ASB4: variants seen among roughly 807,000 people sequenced by gnomAD.
The protein encoded by ASB4 is ankyrin repeat and SOCS box protein 4.
A neutral mutation model predicts 38.6 loss-of-function variants in ASB4; 35 were observed. That is an observed-to-expected ratio of 0.91 (90% confidence interval 0.69 to 1.20). ASB4 has a LOEUF of 1.20. ASB4 is among the 50% of genes most tolerant of loss of function. ASB4 has a pLI of 0.00. For missense variants in ASB4, 557 were observed against 527.2 expected, an observed-to-expected ratio of 1.06 and a Z score of -0.55; for synonymous variants, 195 against 201.3, an observed-to-expected ratio of 0.97 and a Z score of 0.26.
chr7:95,526,698 G>A (rs1314834322), intron 2 of ASB4, among the ~76,000 whole-genome samples: 1 of 152,200 alleles, frequency 6.6e-6, no homozygotes, highest in Non-Finnish European at 1.5e-5. Context: ...AAAGCATTTA[G>A]CCCAGAATGT....
At chr7:95,493,677 G>A (rs1423379209) in intron 1 of ASB4, among the ~76,000 whole-genome samples, 1 of 152,018 alleles carries the variant, frequency 6.6e-6, no homozygotes, top group Non-Finnish European at 1.5e-5. Context: ...GTGCATTTCT[G>A]TCCTGATCCC....
At chr7:95,530,054 A>C (rs1285213543) in intron 3 of ASB4, among the ~76,000 whole-genome samples, 1 of 151,490 alleles carries the variant, frequency 6.6e-6, no homozygotes, top group African/African-American at 2.4e-5. Flanking sequence ...ACAAAACAAC[A>C]ACCAAATAAA....
intron 1 of ASB4, among the ~76,000 whole-genome samples, chr7:95,486,840 T>G (rs946392485): frequency 6.6e-6 from 1 of 152,198 alleles, no homozygotes; most frequent in African/African-American, 2.4e-5. Context: ...TAGACCAATT[T>G]TTTTTTACCA....
intron 2 of ASB4, among the ~76,000 whole-genome samples, chr7:95,501,286 G>A (rs1421491628): frequency 1.3e-5 from 2 of 152,168 alleles, no homozygotes; most frequent in Non-Finnish European, 2.9e-5. Context: ...GTAGCATGGG[G>A]GCAATGTAAA....
chr7:95,528,181 T>A lies in ASB4; in HGVS notation c.856T>A (p.Cys286Ser). 6.2e-7 allele frequency: 1 copy of A among 1,614,230 alleles called. No homozygotes were observed. Among genetic ancestry groups the A allele is most frequent in the Non-Finnish European group, 8.5e-7 (1 of 1,180,042 alleles). Residue 286 changes from cysteine (C) to serine (S), a missense_variant, in exon 3 of 5, where the codon TGT becomes AGT. By Grantham distance (112) the Cys-to-Ser change is moderately radical. Coordinates refer to ENST00000325885, the MANE Select transcript of ASB4 (RefSeq NM_016116.3). ...AGCCAATCTCATGGATATCAACGGC[T>A]GTGCTGCCATCCAGTACGTGCTGAA... ...AEANLMDING[C>S]AAIQYVLKVT...
Position 95,515,168 on chromosome 7 carries a change from T to C in ASB4, c.488-12645T>C, listed in dbSNP as rs1254822864. 2.2e-4 allele frequency among the ~76,000 whole-genome samples: 5 copies of C among 22,784 alleles called. No individual in the cohort carries two copies. In the East Asian group the frequency reaches 3.3e-3, roughly 15 times the overall value. 14.9% of individuals were successfully genotyped at this position (22,784 alleles called of 152,430 possible). ...GTTTTTCTTTCTTTCTTTCTCTTTC[T>C]CTTTCTTTCTTTCTTTCTTTCTTTC... On this transcript the variant is annotated intron_variant, in intron 2 of 4. Transcript: ENST00000325885.
chr7:95,487,941 AGAAACACACTT>A (rs375476932), intron 1 of ASB4, among the ~76,000 whole-genome samples: 133 of 152,316 alleles, frequency 8.7e-4, no homozygotes, highest in African/African-American at 3.1e-3. Context: ...ATGTGTAGAA[AGAAACACACTT>A]GAAACACACT....
At chr7:95,490,682 C>T (rs541605169) in intron 1 of ASB4, among the ~76,000 whole-genome samples, 61 of 152,368 alleles carry the variant, frequency 4.0e-4, no homozygotes, top group African/African-American at 1.3e-3. Context: ...CCTCTCCAAA[C>T]GCTGGAGCAG....
At chr7:95,521,374 A>G (rs1790659716) in intron 2 of ASB4, among the ~76,000 whole-genome samples, 1 of 152,180 alleles carries the variant, frequency 6.6e-6, no homozygotes, top group African/African-American at 2.4e-5. Flanking sequence ...GAGAATGCAA[A>G]TTAAATCAAA....
intron 2 of ASB4, among the ~76,000 whole-genome samples, chr7:95,517,512 A>G (rs565098847): frequency 3.9e-5 from 6 of 152,146 alleles, no homozygotes; most frequent in Admixed American, 6.6e-5. Context: ...TGAGGCAAAA[A>G]TTTAGGGAGT....
upstream of ASB4, among the ~76,000 whole-genome samples, chr7:95,484,140 G>T (rs1245787673): frequency 6.6e-6 from 1 of 151,354 alleles, no homozygotes; most frequent in Non-Finnish European, 1.5e-5. Context: ...TCAGCCGGGG[G>T]AACATGGCAA....
upstream of ASB4, among the ~76,000 whole-genome samples, chr7:95,477,122 A>G (rs533431062): frequency 5.9e-5 from 9 of 151,746 alleles, no homozygotes; most frequent in South Asian, 1.9e-3. Flanking sequence ...TTTTTTCCCC[A>G]GGATACTGCA....
chr7:95,493,780 T>C (rs1790207763), intron 1 of ASB4, among the ~76,000 whole-genome samples: 1 of 152,168 alleles, frequency 6.6e-6, no homozygotes, highest in African/African-American at 2.4e-5. Flanking sequence ...GCATAGTTTG[T>C]ATACTGTTTG....
rs1585798614 is a variant in ASB4 at position 95,496,298 on chromosome 7, A to C, written c.487+241A>C. 5 of 423,306 alleles carry C rather than the reference A, an allele frequency of 1.2e-5. No homozygotes were observed. In the East Asian group the frequency reaches 1.7e-4, roughly 15 times the overall value. The allele number at this position is 423,306 out of a possible 1,614,324, so 26.2% of individuals were successfully genotyped here. ...TTACTCATTTACTTAACAAATATTT[A>C]TTTAGCTCCTATTATGCATCAGGTA... On this transcript the variant is annotated intron_variant, in intron 2 of 4. Coordinates refer to ENST00000325885, the MANE Select transcript of ASB4 (RefSeq NM_016116.3).
chr7:95,545,085 G>A (rs1295261257), downstream of ASB4, among the ~76,000 whole-genome samples: 2 of 149,786 alleles, frequency 1.3e-5, no homozygotes, highest in Non-Finnish European at 3.0e-5. Flanking sequence ...CGATTTTCCC[G>A]TGGTACAGAC....
the ASB4 span, among the ~76,000 whole-genome samples, chr7:95,547,475 A>G: frequency 6.6e-6 from 1 of 152,204 alleles, no homozygotes; most frequent in African/African-American, 2.4e-5. Context: ...TTAGTAGTTT[A>G]TACTTCTTTA....
chr7:95,520,182 C>T (rs945223129), intron 2 of ASB4, among the ~76,000 whole-genome samples: 1 of 152,138 alleles, frequency 6.6e-6, no homozygotes, highest in African/African-American at 2.4e-5. Flanking sequence ...AAGTGTCCCC[C>T]CAACAGGGGC....
chr7:95,522,820 C>G (rs951899432), intron 2 of ASB4, among the ~76,000 whole-genome samples: 2 of 152,220 alleles, frequency 1.3e-5, no homozygotes, highest in Admixed American at 1.3e-4. Context: ...AAAATTCCCT[C>G]TTCTTTATCA....
chr7:95,543,482 TG>T (rs1361797001), downstream of ASB4: 2 of 152,362 alleles, frequency 1.3e-5, no homozygotes, highest in African/African-American at 2.4e-5. Flanking sequence ...CGTGACAGCC[TG>T]GGCGGTGGTC....
Sources: allele counts gnomAD v4.1 joint callset (sites outside exome capture counted in the v4.1 genomes callset), GRCh38; gene constraint gnomAD v4.1.1; transcripts MANE v1.5; gene names NCBI Gene and HGNC (gene_info 2026-07-23, HGNC 2026-07-21).